The following COL4A3 variants were observed in gnomAD, a reference collection of about 807,000 sequenced individuals.
The protein encoded by COL4A3 is collagen type IV alpha 3 chain.
In COL4A3, 135 loss-of-function variants were observed where a neutral mutation model predicts 217.4. The observed-to-expected ratio is 0.62, with a 90% confidence interval of 0.54 to 0.72. The LOEUF (loss-of-function observed/expected upper bound fraction) is 0.72. COL4A3 is among the 30% of genes least tolerant of loss of function. COL4A3 has a pLI of 0.00. For missense variants in COL4A3, 1,868 were observed against 2,119.9 expected (o/e 0.88, Z 2.33); for synonymous variants, 690 against 736.3 (o/e 0.94, Z 1.02).
intron 26 of COL4A3, among the ~76,000 whole-genome samples, chr2:227,274,375 A>G (rs926373237): frequency 2.0e-5 from 3 of 152,054 alleles, no homozygotes; most frequent in African/African-American, 4.8e-5. Flanking sequence ...ACCTTACATT[A>G]TATGTTATAA....
chr2:227,309,374 T>C, intron 50 of COL4A3, 56 bp downstream of exon 50: 1 of 1,337,162 alleles, frequency 7.5e-7, no homozygotes, highest in Non-Finnish European at 1.1e-6. Context: ...GAATGTTACA[T>C]TGTGCTGGGT....
chr2:227,216,326 G>A lies in COL4A3; in HGVS notation c.88-21642G>A, dbSNP rs188424689. 7.9e-5 allele frequency among the ~76,000 whole-genome samples: 12 copies of A among 152,088 alleles called. No homozygotes were observed. The East Asian group carries it at 1.5e-3, about 20-fold the overall frequency. On this transcript the variant is annotated intron_variant, in intron 1 of 51. Coordinates refer to ENST00000396578, the MANE Select transcript of COL4A3 (RefSeq NM_000091.5). ...AAATGTACTGACTGGGTATATAAAC[G>A]CCACCCTTTCCTGTCAATTTCAGTT...
chr2:227,254,297 G>T, intron 14 of COL4A3, 123 bp downstream of exon 14: 1 of 838,602 alleles, frequency 1.2e-6, no homozygotes, highest in Non-Finnish European at 2.0e-6. Context: ...TAAAAGAATG[G>T]CTACTCCACA....
intron 1 of COL4A3, among the ~76,000 whole-genome samples, chr2:227,170,408 T>G (rs1457001379): frequency 6.6e-6 from 1 of 152,088 alleles, no homozygotes; most frequent in Non-Finnish European, 1.5e-5. Context: ...TTTAATGGAC[T>G]CACAGTTCTA....
At chr2:227,233,724 C>A (rs1342619960) in intron 1 of COL4A3, among the ~76,000 whole-genome samples, 1 of 152,084 alleles carries the variant, frequency 6.6e-6, no homozygotes, top group Non-Finnish European at 1.5e-5. Flanking sequence ...ATAAAGGAGG[C>A]ACCTCATGGC....
chr2:227,204,847 C>A (rs573996071), intron 1 of COL4A3, among the ~76,000 whole-genome samples: 3 of 152,274 alleles, frequency 2.0e-5, no homozygotes, highest in Non-Finnish European at 4.4e-5. Context: ...TATGTGTACA[C>A]ACATAATCAC....
chr2:227,252,339 G>A (rs1050145646), intron 11 of COL4A3, among the ~76,000 whole-genome samples: 5 of 146,320 alleles, frequency 3.4e-5, no homozygotes, highest in East Asian at 2.1e-4. Flanking sequence ...TCAGCCTCCC[G>A]ACTAAGTGGA....
chr2:227,233,454 G>A (rs1328626082), intron 1 of COL4A3, among the ~76,000 whole-genome samples: 2 of 152,174 alleles, frequency 1.3e-5, no homozygotes, highest in Non-Finnish European at 2.9e-5. Context: ...CCTGGACCCT[G>A]TCTCACTAGA....
In COL4A3 at chr2:227,314,751, A is replaced by G. The variant is rs2073850270; in HGVS notation, c.*2881A>G. 1 of 151,934 alleles carries G rather than the reference A, an allele frequency of 6.6e-6. No individual in the cohort carries two copies. Among genetic ancestry groups the G allele is most frequent in the African/African-American group, 2.4e-5 (1 of 41,400 alleles). 9.4% of individuals were successfully genotyped at this position (151,934 alleles called of 1,614,324 possible). A position where few individuals can be genotyped will look rare whatever the true frequency, so the allele number is the denominator to read the frequency against. On this transcript the variant is annotated 3_prime_UTR_variant, in exon 52 of 52. Transcript: ENST00000396578. ...TTTCTGTAATTATATCTAAAATATT[A>G]TTTTATTATATTGCCTAAGAATAAA...
chr2:227,294,498 G>T lies in COL4A3; in HGVS notation c.3346G>T (p.Gly1116Cys). The change falls in exon 39 of 52, where the codon GGT becomes TGT. Residue 1116 changes from glycine to cysteine, a missense_variant. This residue lies in a region of COL4A3 where 1,503 missense variants were observed against 1,786.1 expected (regional missense o/e 0.84). Transcript: ENST00000396578. ...PGSPGLPGKP[G>C]PHGDLGFKGI... The stretch of plus-strand genomic sequence containing the variant: ...CCTCTCTTCATTTCCAGGAAAGCCA[G>T]GTCCTCATGGTGATTTGGGTTTTAA... 1 of 1,611,106 alleles carries T rather than the reference G, an allele frequency of 6.2e-7. No homozygotes were observed. Among genetic ancestry groups the T allele is most frequent in the Middle Eastern group, 1.7e-4 (1 of 6,058 alleles).
intron 41 of COL4A3, among the ~76,000 whole-genome samples, chr2:227,296,833 C>T (rs2073048648): frequency 6.6e-6 from 1 of 152,142 alleles, no homozygotes; most frequent in Non-Finnish European, 1.5e-5. Context: ...TCCCCAAGCC[C>T]TCCCCTGAGC....
chr2:227,237,834 C>T (rs556416183), intron 1 of COL4A3, 134 bp from the exon 2 acceptor site: 5 of 720,014 alleles, frequency 6.9e-6, no homozygotes, highest in Admixed American at 3.5e-5. Context: ...TGATATATTG[C>T]TACAAGGTCA....
intron 1 of COL4A3, among the ~76,000 whole-genome samples, chr2:227,188,405 C>A (rs1322233050): frequency 2.0e-5 from 3 of 151,926 alleles, no homozygotes; most frequent in African/African-American, 7.3e-5. Context: ...GCTCAGCGAG[C>A]CATTGTGAGT....
Position 227,219,115 on chromosome 2 carries a change from C to T in COL4A3, c.88-18853C>T, listed in dbSNP as rs1182072548. On this transcript the variant is annotated intron_variant, in intron 1 of 51. Coordinates refer to ENST00000396578, the MANE Select transcript of COL4A3 (RefSeq NM_000091.5). ...GTTCAAGCGATTCTCCTGCCTCGGC[C>T]TCCCAAGTAGCTGGGATTACAGGCA... Among the ~76,000 whole-genome samples the T allele has an allele frequency of 2.6e-5, 4 of 152,264 alleles. No homozygotes were observed. The East Asian group carries it at 7.7e-4, about 29-fold the overall frequency.
chr2:227,309,086 C>G lies in COL4A3; in HGVS notation c.4640+10C>G, dbSNP rs1430297514. 1 of 1,614,044 alleles carries G rather than the reference C, an allele frequency of 6.2e-7. No individual in the cohort carries two copies. Among genetic ancestry groups the G allele is most frequent in the Non-Finnish European group, 8.5e-7 (1 of 1,179,916 alleles). On this transcript the variant is annotated intron_variant, in intron 49 of 51. Transcript: ENST00000396578. ...AGCCTTATATAAGCAGGTAAAAATC[C>G]AATCCCCTAGTTTTACAATGGGACC...
chr2:227,239,603 G>A (rs2068898775), intron 2 of COL4A3, among the ~76,000 whole-genome samples: 1 of 151,962 alleles, frequency 6.6e-6, no homozygotes, highest in East Asian at 1.9e-4. Flanking sequence ...ACACCTTTTT[G>A]GTTATGCCAC....
chr2:227,196,560 G>A (rs754139990), intron 1 of COL4A3, among the ~76,000 whole-genome samples: 7 of 151,850 alleles, frequency 4.6e-5, no homozygotes, highest in South Asian at 4.2e-4. Context: ...CTCGTGATCC[G>A]CCCGCCTCAG....
At chr2:227,189,417 A>C (rs1200517437) in intron 1 of COL4A3, among the ~76,000 whole-genome samples, 2 of 152,134 alleles carry the variant, frequency 1.3e-5, no homozygotes, top group Non-Finnish European at 2.9e-5. Context: ...CACAGTGACC[A>C]AGAGGGTGGA....
Position 227,250,627 on chromosome 2 carries a change from A to C in COL4A3, c.547-513A>C, listed in dbSNP as rs1477409984. ...TGAGTAATAAATGCTAAAAGTAAAA[A>C]TAATGCACGAAAGCAGGATAGGAAG... is the stretch of plus-strand genomic sequence containing the variant. On this transcript the variant is annotated intron_variant, in intron 9 of 51. Coordinates refer to ENST00000396578, the MANE Select transcript of COL4A3 (RefSeq NM_000091.5). This position sits in a 1 kb window ranked among gnomAD's most constrained non-coding sequence, Gnocchi z 4.1. 6.6e-6 allele frequency among the ~76,000 whole-genome samples: 1 copy of C among 152,216 alleles called. No homozygotes were observed. Among genetic ancestry groups the C allele is most frequent in the Non-Finnish European group, 1.5e-5 (1 of 68,034 alleles).
Sources: gnomAD v4.1 joint callset for allele counts (sites outside exome capture counted in the v4.1 genomes callset) on GRCh38, gnomAD v4.1.1 for gene constraint, gnomAD v4.1.1 regional missense constraint, Gnocchi (gnomAD v3.1) non-coding constraint, MANE v1.5 for transcripts, NCBI Gene and HGNC (gene_info 2026-07-23, HGNC 2026-07-21) for gene names.